LRRC63: variants seen among roughly 807,000 people sequenced by gnomAD.
The protein encoded by LRRC63 is leucine rich repeat containing 63, also known as leucine-rich repeat-containing protein 63.
A neutral mutation model predicts 49.5 loss-of-function variants in LRRC63; 40 were observed. That is an observed-to-expected ratio of 0.81 (90% CI 0.63 to 1.05). LRRC63 has a LOEUF of 1.05. LRRC63 is among the 50% of genes least tolerant of loss of function. LRRC63 has a pLI of 0.00. For synonymous variants in LRRC63, 191 were observed against 221.1 expected (o/e 0.86, Z 1.21); for missense variants, 636 against 663.1 (o/e 0.96, Z 0.45).
intron 7 of LRRC63, among the ~76,000 whole-genome samples, chr13:46,255,645 A>AAAAAAAAAAAAAAATATATATATATATAT (rs1555328641): frequency 1.9e-4 from 24 of 129,438 alleles, no homozygotes; most frequent in African/African-American, 6.7e-4. Flanking sequence ...CCCTGCCTCA[A>AAAAAAAAAAAAAAATATATATATATATAT]ATATATATAT....
chr13:46,230,072 A>G (rs2046700680), intron 4 of LRRC63, among the ~76,000 whole-genome samples: 1 of 152,098 alleles, frequency 6.6e-6, no homozygotes. Context: ...CATGAACCAG[A>G]CACCTCCCAC....
chr13:46,213,362 G>A (rs1313657356), intron 2 of LRRC63, among the ~76,000 whole-genome samples: 1 of 152,138 alleles, frequency 6.6e-6, no homozygotes, highest in Non-Finnish European at 1.5e-5. Flanking sequence ...GTACTCAAAG[G>A]GCTTTCTCAG....
chr13:46,257,051 G>A (rs73482616), intron 7 of LRRC63, among the ~76,000 whole-genome samples: 11,703 of 152,138 alleles, frequency 0.077, 1,489 homozygotes, highest in African/African-American at 0.27. Flanking sequence ...AATCACATGA[G>A]CTCTTAAAAA....
In LRRC63 at chr13:46,276,768, A is replaced by G. The variant is rs531636347; in HGVS notation, c.1729A>G (p.Ile577Val). 9 of 1,217,840 alleles carry G rather than the reference A, an allele frequency of 7.4e-6. No homozygotes were observed. In the South Asian group the frequency reaches 3.3e-4, roughly 45 times the overall value. 75.4% of individuals were successfully genotyped at this position (1,217,840 alleles called of 1,614,324 possible). A position where few individuals can be genotyped will look rare whatever the true frequency, so the allele number is the denominator to read the frequency against. The change falls in exon 10 of 10, where the codon ATA (isoleucine) becomes GTA (valine). Residue 577 changes from isoleucine to valine, a missense_variant. Physicochemically the swap from Ile to Val is conservative, Grantham distance 29. Transcript: ENST00000595396. ...TTTAGATGGTAGTCCTAGTAGAAGA[A>G]TAGCTCTAGATGTGGAGTTGTCAAA... is the stretch of plus-strand genomic sequence containing the variant.
At chr13:46,240,442 C>A (rs2047029453) in intron 5 of LRRC63, among the ~76,000 whole-genome samples, 1 of 151,892 alleles carries the variant, frequency 6.6e-6, no homozygotes, top group African/African-American at 2.4e-5. Flanking sequence ...TGCCCTCTCT[C>A]AACACTCCTA....
chr13:46,252,554 C>A (rs2047410476), intron 7 of LRRC63, among the ~76,000 whole-genome samples: 1 of 151,958 alleles, frequency 6.6e-6, no homozygotes, highest in Non-Finnish European at 1.5e-5. Flanking sequence ...CAATTCAATA[C>A]AATTGAGTAA....
intron 5 of LRRC63, among the ~76,000 whole-genome samples, chr13:46,244,652 T>C (rs755723863): frequency 3.3e-5 from 5 of 152,122 alleles, no homozygotes; most frequent in Non-Finnish European, 7.4e-5. Context: ...CATGTACATG[T>C]AGTTCTAGCT....
chr13:46,213,298 T>C (rs577954170), intron 2 of LRRC63, among the ~76,000 whole-genome samples, 179 bp downstream of exon 2: 2 of 152,372 alleles, frequency 1.3e-5, no homozygotes, highest in South Asian at 4.1e-4. Flanking sequence ...ATTGGTGGAC[T>C]TAGTAGATTC....
intron 9 of LRRC63, among the ~76,000 whole-genome samples, chr13:46,273,578 G>C (rs935471765): frequency 6.7e-6 from 1 of 148,478 alleles, no homozygotes. Flanking sequence ...CTCCAGCCTG[G>C]GCAACAGAGT....
intron 9 of LRRC63, chr13:46,270,451 A>T: frequency 6.3e-6 from 5 of 788,382 alleles, no homozygotes; most frequent in Non-Finnish European, 1.2e-5. Flanking sequence ...TGAATGAAAA[A>T]CATTCTCCAT....
chr13:46,276,158 T>G (rs940062851), intron 9 of LRRC63, among the ~76,000 whole-genome samples: 5 of 152,216 alleles, frequency 3.3e-5, no homozygotes, highest in Admixed American at 2.0e-4. Flanking sequence ...CATTATGGAC[T>G]CTAATTCCAT....
chr13:46,266,821 G>A, exon 9 of LRRC63: 3 of 1,550,124 alleles, frequency 1.9e-6, no homozygotes, highest in Non-Finnish European at 2.6e-6. Flanking sequence ...AATTCAGTTT[G>A]AGAATAATTT....
chr13:46,214,939 A>G (rs375545272), intron 2 of LRRC63, among the ~76,000 whole-genome samples: 1 of 152,212 alleles, frequency 6.6e-6, no homozygotes, highest in African/African-American at 2.4e-5. Flanking sequence ...AAAGGACATA[A>G]TCTCATTCCT....
At chr13:46,230,002 C>T (rs1230455) in intron 4 of LRRC63, among the ~76,000 whole-genome samples, 48,805 of 151,746 alleles carry the variant, frequency 0.32, 8,119 homozygotes, top group East Asian at 0.41. Context: ...TTTAAAACAG[C>T]CAGATCTTAT....
chr13:46,219,295 C>T (rs1349363071), intron 2 of LRRC63, among the ~76,000 whole-genome samples: 2 of 152,046 alleles, frequency 1.3e-5, no homozygotes, highest in African/African-American at 2.4e-5. Flanking sequence ...AGGCTTTGTT[C>T]GTTCCTTTTC....
chr13:46,241,464 T>G (rs2047060589), intron 5 of LRRC63, among the ~76,000 whole-genome samples: 1 of 152,062 alleles, frequency 6.6e-6, no homozygotes, highest in South Asian at 2.1e-4. Context: ...AAGCAAAAAT[T>G]GACAGATGGG....
chr13:46,270,212 T>C (rs2047737546), intron 9 of LRRC63: 2 of 845,170 alleles, frequency 2.4e-6, no homozygotes, highest in Admixed American at 3.4e-5. Flanking sequence ...TAACCGAATA[T>C]GTGTCATCAC....
chr13:46,275,568 G>C (rs1300915131), intron 9 of LRRC63, among the ~76,000 whole-genome samples: 2 of 151,848 alleles, frequency 1.3e-5, no homozygotes, highest in African/African-American at 4.8e-5. Flanking sequence ...CTAAATATTA[G>C]TGATGTTGAG....
At chr13:46,222,935 A>G (rs548649769) in intron 2 of LRRC63, among the ~76,000 whole-genome samples, 72 of 152,070 alleles carry the variant, frequency 4.7e-4, no homozygotes, top group African/African-American at 1.6e-3. Context: ...ATTGGAAATC[A>G]TCATTCTCAG....
Sources: gnomAD v4.1 joint callset for allele counts (sites outside exome capture counted in the v4.1 genomes callset) on GRCh38, gnomAD v4.1.1 for gene constraint, MANE v1.5 for transcripts, NCBI Gene and HGNC (gene_info 2026-07-23, HGNC 2026-07-21) for gene names.